PRKCB: variants seen among roughly 807,000 people sequenced by gnomAD.
The protein encoded by PRKCB is protein kinase C beta, also known as protein kinase C beta type.
Under a neutral mutation model 81.5 loss-of-function variants are expected in PRKCB, and 13 were observed. The observed-to-expected ratio is 0.16, with a 90% CI of 0.10 to 0.25. PRKCB has a LOEUF of 0.25. PRKCB is among the 10% of genes least tolerant of loss of function. The probability of loss-of-function intolerance (pLI) is 1.00; values close to 1 mark genes in which losing one functional copy is unlikely to be tolerated. For synonymous variants in PRKCB, 335 were observed against 321.4 expected, an observed-to-expected ratio of 1.04 and a Z score of -0.45; for missense variants, 509 against 875.7, an observed-to-expected ratio of 0.58 and a Z score of 5.29.
chr16:24,172,449 A>T, intron 11 of PRKCB, 88 bp downstream of exon 11: 3 of 1,046,730 alleles, frequency 2.9e-6, no homozygotes, highest in Non-Finnish European at 2.9e-6. Flanking sequence ...CCAAAGAGGG[A>T]TCTTTAAACA....
At chr16:23,881,325 T>C (rs958687249) in intron 2 of PRKCB, among the ~76,000 whole-genome samples, 3 of 151,752 alleles carry the variant, frequency 2.0e-5, no homozygotes, top group African/African-American at 4.8e-5. Context: ...CGGTCTTGGT[T>C]CACTGCTACA....
chr16:24,192,021 A>T (rs1319295067), intron 16 of PRKCB, among the ~76,000 whole-genome samples: 1 of 152,244 alleles, frequency 6.6e-6, no homozygotes, highest in Non-Finnish European at 1.5e-5. Context: ...TGGTGACTCA[A>T]TGATGGGTTG....
At position 24,116,981 on chromosome 16, in the gene PRKCB, G is replaced by T. The variant is rs185481598; in HGVS notation, c.918+3912G>T. Among the ~76,000 whole-genome samples the T allele has an allele frequency of 8.8e-4, 133 of 151,560 alleles. 1 individual carries two copies. The highest frequency in any genetic ancestry group is 3.2e-3 in the African/African-American group (129 of 40,878). ...CTTGGAATAGGAGACTGTTTTATCC[G>T]CATGCAAGAAATTGTGTCCCTTTCT... On this transcript the variant is annotated intron_variant, in intron 8 of 16. Coordinates refer to ENST00000643927, the MANE Select transcript of PRKCB (RefSeq NM_002738.7).
chr16:24,161,680 CTG>C (rs1400145346), intron 10 of PRKCB, among the ~76,000 whole-genome samples: 2 of 152,090 alleles, frequency 1.3e-5, no homozygotes, highest in Non-Finnish European at 2.9e-5. Flanking sequence ...GAATCTGGAT[CTG>C]TGATTGCTTG....
At chr16:24,000,257 C>G (rs1219830466) in intron 3 of PRKCB, among the ~76,000 whole-genome samples, 1 of 152,190 alleles carries the variant, frequency 6.6e-6, no homozygotes, top group Non-Finnish European at 1.5e-5. Flanking sequence ...TTATAAAAAT[C>G]TGCATGTTAT....
intron 5 of PRKCB, among the ~76,000 whole-genome samples, chr16:24,044,842 G>A (rs1965745162): frequency 6.6e-6 from 1 of 152,216 alleles, no homozygotes; most frequent in Non-Finnish European, 1.5e-5. Context: ...AAGTGAAAGG[G>A]TTAGGTTGCG....
At chr16:24,039,331 C>T (rs554186146) in intron 5 of PRKCB, among the ~76,000 whole-genome samples, 27 of 152,304 alleles carry the variant, frequency 1.8e-4, no homozygotes, top group Non-Finnish European at 2.4e-4. Flanking sequence ...CATGTTCAAG[C>T]GATTCTCCGG....
At chr16:24,199,384 T>C (rs1291485047) in intron 16 of PRKCB, among the ~76,000 whole-genome samples, 1 of 152,236 alleles carries the variant, frequency 6.6e-6, no homozygotes, top group African/African-American at 2.4e-5. Flanking sequence ...TTACACTGTA[T>C]GAGTAAGTGC....
At chr16:23,912,328 T>C (rs1963671509) in intron 2 of PRKCB, among the ~76,000 whole-genome samples, 1 of 152,020 alleles carries the variant, frequency 6.6e-6, no homozygotes, top group South Asian at 2.1e-4. Context: ...GTTCCTCTCA[T>C]AGTGCAGCCT....
chr16:24,143,921 A>T (rs1966947407), intron 9 of PRKCB, among the ~76,000 whole-genome samples: 1 of 152,146 alleles, frequency 6.6e-6, no homozygotes, highest in South Asian at 2.1e-4. Flanking sequence ...TCCTTTTCTG[A>T]TTCTGTTGCA....
At chr16:24,042,694 T>C (rs949890572) in intron 5 of PRKCB, among the ~76,000 whole-genome samples, 2 of 152,104 alleles carry the variant, frequency 1.3e-5, no homozygotes, top group African/African-American at 4.8e-5. Context: ...GGGTTTCTTT[T>C]TTTTTTTTAA....
intron 5 of PRKCB, among the ~76,000 whole-genome samples, chr16:24,084,141 G>A (rs1228677518): frequency 6.6e-6 from 1 of 151,896 alleles, no homozygotes; most frequent in Non-Finnish European, 1.5e-5. Flanking sequence ...CAGGGGAAAG[G>A]GACAAATAAA....
At chr16:23,987,793 T>C (rs1428216168) in intron 2 of PRKCB, among the ~76,000 whole-genome samples, 1 of 151,890 alleles carries the variant, frequency 6.6e-6, no homozygotes, top group African/African-American at 2.4e-5. Context: ...AAAAGATGAT[T>C]TGAACAACAA....
intron 2 of PRKCB, among the ~76,000 whole-genome samples, chr16:23,857,171 G>A (rs1269819249): frequency 6.6e-6 from 1 of 152,210 alleles, no homozygotes; most frequent in Admixed American, 6.5e-5. Context: ...TGGTATAAGA[G>A]GTTTTTAGAA....
rs190036906 is a variant in PRKCB, at chr16:24,079,228, C to T, written c.530-13563C>T. Among the ~76,000 whole-genome samples, 49 of 152,268 alleles carry T rather than the reference C, an allele frequency of 3.2e-4. 1 individual carries two copies. The highest frequency in any genetic ancestry group is 2.8e-3 in the Admixed American group (43 of 15,288). ...CATCATCCTTTGCTGACTCTCTTTT[C>T]GGACTCAGCCTGCCTGCACCCAGGT... On this transcript the variant is annotated intron_variant, in intron 5 of 16. Coordinates refer to ENST00000643927, the MANE Select transcript of PRKCB (RefSeq NM_002738.7).
At chr16:24,172,225 A>T in intron 10 of PRKCB, 45 bp from the exon 11 acceptor site, 1 of 1,459,746 alleles carries the variant, frequency 6.9e-7, no homozygotes, top group Non-Finnish European at 9.6e-7. Flanking sequence ...TTGGAGCCCC[A>T]GAAGCTACGG....
intron 2 of PRKCB, among the ~76,000 whole-genome samples, chr16:23,902,810 C>T (rs1963503543): frequency 7.9e-6 from 1 of 126,524 alleles, no homozygotes; most frequent in South Asian, 2.9e-4. Flanking sequence ...TCCTTCCTTC[C>T]TTCCTTTTTT....
At chr16:24,185,438 C>A (rs765786072) in intron 14 of PRKCB, 22 bp from the exon 15 acceptor site, 2 of 1,598,766 alleles carry the variant, frequency 1.3e-6, no homozygotes, top group Non-Finnish European at 1.7e-6. Context: ...TTCTTCTCCT[C>A]CCACCCTCCC....
intron 3 of PRKCB, among the ~76,000 whole-genome samples, chr16:24,029,948 G>T (rs1965531023): frequency 6.6e-6 from 1 of 152,156 alleles, no homozygotes; most frequent in African/African-American, 2.4e-5. Context: ...GCCCAGGCTG[G>T]AGTGCAGTGA....
Sources: gnomAD v4.1 joint callset for allele counts (sites outside exome capture counted in the v4.1 genomes callset) on GRCh38, gnomAD v4.1.1 for gene constraint, MANE v1.5 for transcripts, NCBI Gene and HGNC (gene_info 2026-07-23, HGNC 2026-07-21) for gene names.